Variants in RAB6A observed in about 807,000 individuals in gnomAD.
The protein encoded by RAB6A is RAB6A, member RAS oncogene family.
Under a neutral mutation model 32.3 loss-of-function variants are expected in RAB6A, and 8 were observed. The observed-to-expected ratio is 0.25, with a 90% CI of 0.15 to 0.45. The LOEUF is 0.45. RAB6A is among the 20% of genes least tolerant of loss of function. RAB6A has a pLI of 1.00. For synonymous variants in RAB6A, 73 were observed against 82.1 expected, an observed-to-expected ratio of 0.89 and a Z score of 0.60; for missense variants, 104 against 249.4, an observed-to-expected ratio of 0.42 and a Z score of 3.93.
intron 6 of RAB6A, among the ~76,000 whole-genome samples, chr11:73,685,885 CAAA>C (rs56270679): frequency 9.7e-5 from 10 of 103,022 alleles, no homozygotes; most frequent in African/African-American, 3.1e-4. Flanking sequence ...AACTCCGTCT[CAAA>C]AAAAAAAAAA....
chr11:73,742,581 G>T (rs1017994279), intron 1 of RAB6A, among the ~76,000 whole-genome samples: 4 of 151,868 alleles, frequency 2.6e-5, no homozygotes, highest in Admixed American at 1.3e-4. Flanking sequence ...GGAGGCTGAG[G>T]CAGGTGGATC....
chr11:73,718,981 G>T, intron 3 of RAB6A: 1 of 1,216,876 alleles, frequency 8.2e-7, no homozygotes, highest in African/African-American at 1.5e-5. Flanking sequence ...AAGGGAGAGG[G>T]TGGGAAGGAA....
At chr11:73,750,029 TA>T (rs1213448239) in intron 1 of RAB6A, among the ~76,000 whole-genome samples, 1 of 152,144 alleles carries the variant, frequency 6.6e-6, no homozygotes. Context: ...TTTTAAAAAA[TA>T]TTTTTTTTAA....
intron 1 of RAB6A, chr11:73,759,938 A>G: frequency 1.0e-6 from 1 of 956,314 alleles, no homozygotes. Flanking sequence ...TTCACCCCCA[A>G]CCACCCCATG....
chr11:73,723,119 A>G (rs1393261388), intron 2 of RAB6A, among the ~76,000 whole-genome samples: 2 of 151,890 alleles, frequency 1.3e-5, no homozygotes, highest in Non-Finnish European at 2.9e-5. Flanking sequence ...TGCTCATCAA[A>G]TATTTATTAA....
intron 7 of RAB6A, among the ~76,000 whole-genome samples, chr11:73,679,352 TAG>T (rs1261229908): frequency 6.6e-6 from 1 of 152,180 alleles, no homozygotes; most frequent in Non-Finnish European, 1.5e-5. Context: ...GGAAAAAGCC[TAG>T]AGTCAATGGG....
chr11:73,750,905 C>T (rs928009125), intron 1 of RAB6A, among the ~76,000 whole-genome samples: 1 of 152,024 alleles, frequency 6.6e-6, no homozygotes, highest in South Asian at 2.1e-4. Flanking sequence ...TAGCCTCAAC[C>T]TCCTATGCTC....
intron 1 of RAB6A, among the ~76,000 whole-genome samples, chr11:73,731,686 ATATATATATATAT>A (rs1565369880): frequency 0.15 from 4,193 of 27,520 alleles, 306 homozygotes; most frequent in Middle Eastern, 0.24. Context: ...GATAGATATT[ATATATATATATAT>A]ATATATATAT....
At chr11:73,678,637 G>A (rs924965632) in intron 7 of RAB6A, among the ~76,000 whole-genome samples, 5 of 151,840 alleles carry the variant, frequency 3.3e-5, no homozygotes, top group Non-Finnish European at 5.9e-5. Flanking sequence ...GGCGGTGGGC[G>A]CGGGGACATA....
chr11:73,745,840 T>TA (rs1946579163), intron 1 of RAB6A, among the ~76,000 whole-genome samples: 1 of 148,990 alleles, frequency 6.7e-6, no homozygotes, highest in Non-Finnish European at 1.5e-5. Context: ...TCAAAAAAAA[T>TA]AAAAAAATTA....
intron 2 of RAB6A, among the ~76,000 whole-genome samples, chr11:73,727,007 T>C (rs191943541): frequency 3.9e-4 from 60 of 152,284 alleles, no homozygotes; most frequent in East Asian, 1.2e-3. Context: ...GTGAACATTA[T>C]AGTTGTCTAA....
chr11:73,745,170 C>A (rs1476232522), intron 1 of RAB6A, among the ~76,000 whole-genome samples: 1 of 152,080 alleles, frequency 6.6e-6, no homozygotes, highest in East Asian at 1.9e-4. Context: ...CTCAAAGTAT[C>A]TTGTTAATGC....
intron 1 of RAB6A, among the ~76,000 whole-genome samples, chr11:73,743,304 CAAAAAAAAAA>C (rs56400918): frequency 9.7e-6 from 1 of 103,354 alleles, no homozygotes; most frequent in Admixed American, 1.1e-4. Context: ...AACTCTGTCT[CAAAAAAAAAA>C]AAAAAAAGAG....
At position 73,716,186 on chromosome 11, in the gene RAB6A, T is replaced by C. The variant is rs1026401203; in HGVS notation, c.401+65A>G. 26 of 1,252,750 alleles carry C rather than the reference T, an allele frequency of 2.1e-5. No homozygotes were observed. The African/African-American group carries it at 3.6e-4, about 17-fold the overall frequency. 77.6% of individuals were successfully genotyped at this position (1,252,750 alleles called of 1,614,324 possible). A position where few individuals can be genotyped will look rare whatever the true frequency, so the allele number is the denominator to read the frequency against. ...GTCTCCTTTCAAAACAATTTCTCAGTGAACAAAAATAAAAGGCTGCATCAC... is the reference window on the plus strand; with the variant it reads ...GTCTCCTTTCAAAACAATTTCTCAGCGAACAAAAATAAAAGGCTGCATCAC... On this transcript the variant is annotated intron_variant, in intron 5 of 7. Transcript: ENST00000336083.
At chr11:73,678,815 T>A (rs541394421) in intron 7 of RAB6A, among the ~76,000 whole-genome samples, 1 of 151,038 alleles carries the variant, frequency 6.6e-6, no homozygotes, top group Admixed American at 6.6e-5. Flanking sequence ...AACCTCTGCC[T>A]CCTGGGTTCA....
chr11:73,735,963 A>T (rs1489448614), intron 1 of RAB6A, among the ~76,000 whole-genome samples: 1 of 151,018 alleles, frequency 6.6e-6, no homozygotes, highest in African/African-American at 2.4e-5. Context: ...GAGAGAGATA[A>T]ATCACATACC....
chr11:73,709,809 TAATG>T (rs1453901790), intron 5 of RAB6A, among the ~76,000 whole-genome samples: 1 of 139,898 alleles, frequency 7.1e-6, no homozygotes, highest in Non-Finnish European at 1.5e-5. Context: ...CTAAAAAATG[TAATG>T]AATTCATGCA....
intron 5 of RAB6A, 30 bp from the exon 6 acceptor site, chr11:73,707,543 T>G (rs1402360647): frequency 2.0e-6 from 3 of 1,473,766 alleles, no homozygotes; most frequent in South Asian, 2.3e-5. Context: ...CTTCTTACTT[T>G]TGAGACATGA....
intron 5 of RAB6A, among the ~76,000 whole-genome samples, chr11:73,709,894 T>C (rs1945918465): frequency 6.8e-6 from 1 of 147,546 alleles, no homozygotes; most frequent in Admixed American, 6.9e-5. Flanking sequence ...TATACATATA[T>C]ATACACACAC....
Sources: allele counts gnomAD v4.1 joint callset (sites outside exome capture counted in the v4.1 genomes callset), GRCh38; gene constraint gnomAD v4.1.1; transcripts MANE v1.5; gene names NCBI Gene and HGNC (gene_info 2026-07-23, HGNC 2026-07-21).